FAM81A: variants seen among roughly 807,000 people sequenced by gnomAD.
FAM81A encodes the protein family with sequence similarity 81 member A.
In FAM81A, 19 loss-of-function variants were observed where a neutral mutation model predicts 46.7. That is an observed-to-expected ratio of 0.41 (90% confidence interval 0.28 to 0.60). The LOEUF is 0.60. Among genes scored for constraint, FAM81A ranks in the 20% least tolerant of loss-of-function variants. The pLI is 0.34. For synonymous variants in FAM81A, 183 were observed against 152.9 expected (o/e 1.20, Z -1.45); for missense variants, 377 against 453.5 (o/e 0.83, Z 1.53).
chr15:59,456,220 C>T (rs1162025254), intron 1 of FAM81A, among the ~76,000 whole-genome samples: 1 of 151,786 alleles, frequency 6.6e-6, no homozygotes, highest in African/African-American at 2.4e-5. Flanking sequence ...TCCCATAGAG[C>T]GCACGCACAG....
intron 4 of FAM81A, among the ~76,000 whole-genome samples, chr15:59,504,404 T>C (rs1459580658): frequency 6.6e-6 from 1 of 152,198 alleles, no homozygotes; most frequent in Non-Finnish European, 1.5e-5. Flanking sequence ...AGGCAATAAA[T>C]AAAACTAGGG....
chr15:59,461,403 G>A lies in FAM81A; in HGVS notation c.294+1197G>A, dbSNP rs577336405. ...CAGGCTCAACCGATCCTCCTGCATC[G>A]GCGTCCCAAGTAGCTGGGACTACAG... On this transcript the variant is annotated intron_variant, in intron 3 of 8. Coordinates refer to ENST00000288228, the MANE Select transcript of FAM81A (RefSeq NM_152450.3). Among the ~76,000 whole-genome samples the A allele has an allele frequency of 3.2e-3, 491 of 152,100 alleles. 3 individuals carry two copies. Among genetic ancestry groups the A allele is most frequent in the African/African-American group, 0.011 (457 of 41,508 alleles).
intron 4 of FAM81A, among the ~76,000 whole-genome samples, chr15:59,502,973 C>A (rs2082110897): frequency 6.6e-6 from 1 of 151,894 alleles, no homozygotes; most frequent in Non-Finnish European, 1.5e-5. Context: ...AAAATGAAGC[C>A]TGGCCAGGAG....
chr15:59,423,898 A>G (rs1304543585), intron 2 of FAM81A, among the ~76,000 whole-genome samples: 4 of 152,038 alleles, frequency 2.6e-5, no homozygotes, highest in African/African-American at 9.7e-5. Flanking sequence ...CTAGGTTAAC[A>G]TTTTCCATTT....
At chr15:59,432,481 A>G (rs1181422596) in intron 2 of FAM81A, among the ~76,000 whole-genome samples, 6 of 152,186 alleles carry the variant, frequency 3.9e-5, no homozygotes, top group African/African-American at 1.4e-4. Context: ...TTACCTACTG[A>G]AGTTTGTAAG....
chr15:59,466,523 C>A lies in FAM81A; in HGVS notation c.294+6317C>A, dbSNP rs577404958. 9.3e-5 allele frequency among the ~76,000 whole-genome samples: 14 copies of A among 151,346 alleles called. No homozygotes were observed. In the South Asian group the frequency reaches 2.7e-3, roughly 29 times the overall value. ...CGTCTTCTTTTGAGATGTGTCTGTTCATTTCCTTTGCCCACTTTTTGATGG... is the reference window on the plus strand; with the variant it reads ...CGTCTTCTTTTGAGATGTGTCTGTTAATTTCCTTTGCCCACTTTTTGATGG... On this transcript the variant is annotated intron_variant, in intron 3 of 8. Coordinates refer to ENST00000288228, the MANE Select transcript of FAM81A (RefSeq NM_152450.3).
chr15:59,438,613 C>G (rs2141576112), intron 1 of FAM81A: 1 of 152,368 alleles, frequency 6.6e-6, no homozygotes, highest in Non-Finnish European at 1.5e-5. Flanking sequence ...ACCCACTACT[C>G]AGAGTGAGTG....
At chr15:59,407,451 C>T (rs1400729864) in intron 2 of FAM81A, among the ~76,000 whole-genome samples, 9 of 151,990 alleles carry the variant, frequency 5.9e-5, no homozygotes, top group Admixed American at 1.3e-4. Flanking sequence ...CCCGCCACCA[C>T]GCCCGGGTAA....
At chr15:59,487,539 C>G (rs1167753756) in intron 3 of FAM81A, among the ~76,000 whole-genome samples, 1 of 150,948 alleles carries the variant, frequency 6.6e-6, no homozygotes, top group South Asian at 2.1e-4. Context: ...CAGAAAAGAC[C>G]CAACTAAATA....
chr15:59,489,318 C>CATAT (rs1442669557), intron 3 of FAM81A, among the ~76,000 whole-genome samples: 4 of 141,768 alleles, frequency 2.8e-5, no homozygotes, highest in Non-Finnish European at 6.4e-5. Flanking sequence ...TACATATATA[C>CATAT]ATACATACAT....
chr15:59,516,843 A>G lies in FAM81A; in HGVS notation c.982+3A>G. 6.3e-7 allele frequency: 1 copy of G among 1,594,312 alleles called. No homozygotes were observed. The highest frequency in any genetic ancestry group is 8.5e-7 in the Non-Finnish European group (1 of 1,172,724). On this transcript the variant is annotated splice_donor_region_variant and intron_variant, in intron 8 of 8. Coordinates refer to ENST00000288228, the MANE Select transcript of FAM81A (RefSeq NM_152450.3). ...AATGAAAGCAGAAGTTAATGCTGGTAGGCCAAAACCAGAACAGCTCACGTG... is the reference window on the plus strand; with the variant it reads ...AATGAAAGCAGAAGTTAATGCTGGTGGGCCAAAACCAGAACAGCTCACGTG...
rs773378014 is a variant in FAM81A, at chr15:59,411,008, C to A, written c.-78+8650C>A. The stretch of plus-strand genomic sequence containing the variant: ...CAAATGATCCTTTTGCCTCGGCCTC[C>A]CAAAGTGCTGGGATTACAGAGGTGA... On this transcript the variant is annotated intron_variant, in intron 2 of 4. Transcript: ENST00000558348. 7.2e-5 allele frequency among the ~76,000 whole-genome samples: 11 copies of A among 152,288 alleles called. 1 individual carries two copies. The highest frequency in any genetic ancestry group is 3.4e-3 in the Middle Eastern group (1 of 294).
At chr15:59,417,194 G>A (rs948322047) in intron 2 of FAM81A, among the ~76,000 whole-genome samples, 5 of 152,264 alleles carry the variant, frequency 3.3e-5, no homozygotes, top group African/African-American at 7.2e-5. Flanking sequence ...AGATGGATGC[G>A]TGCTGAATAC....
At chr15:59,516,962 G>A in intron 8 of FAM81A, 122 bp downstream of exon 8, 1 of 947,332 alleles carries the variant, frequency 1.1e-6, no homozygotes, top group Non-Finnish European at 1.5e-6. Context: ...AATATCCTTA[G>A]TTGATTTTCT....
chr15:59,465,776 A>T (rs973692755), intron 3 of FAM81A, among the ~76,000 whole-genome samples: 1 of 152,036 alleles, frequency 6.6e-6, no homozygotes, highest in Non-Finnish European at 1.5e-5. Flanking sequence ...TACATGTGCC[A>T]TGTTGGTTTG....
chr15:59,435,894 G>A (rs1040329020), upstream of FAM81A, among the ~76,000 whole-genome samples: 50 of 152,266 alleles, frequency 3.3e-4, no homozygotes, highest in African/African-American at 1.2e-3. Context: ...TTGCAATTTA[G>A]CCTACAAAAA....
intron 2 of FAM81A, among the ~76,000 whole-genome samples, chr15:59,429,593 A>G (rs2081210677): frequency 6.6e-6 from 1 of 152,230 alleles, no homozygotes; most frequent in Non-Finnish European, 1.5e-5. Flanking sequence ...TGGAAAAACA[A>G]GAGTCAAATT....
intron 1 of FAM81A, among the ~76,000 whole-genome samples, chr15:59,457,383 G>A (rs2081497793): frequency 6.6e-6 from 1 of 152,192 alleles, no homozygotes. Context: ...TGCAGTGCTT[G>A]TGACCAAGTA....
chr15:59,475,949 A>G (rs1273211273), intron 3 of FAM81A, among the ~76,000 whole-genome samples: 4 of 152,222 alleles, frequency 2.6e-5, no homozygotes, highest in African/African-American at 7.2e-5. Flanking sequence ...TAGACTGGGT[A>G]GCTTAAACAA....
Sources: gnomAD v4.1 joint callset for allele counts (sites outside exome capture counted in the v4.1 genomes callset) on GRCh38, gnomAD v4.1.1 for gene constraint, MANE v1.5 for transcripts, NCBI Gene and HGNC (gene_info 2026-07-23, HGNC 2026-07-21) for gene names.